Variants in SYT17 observed in about 807,000 individuals in gnomAD.
SYT17 encodes synaptotagmin-17.
Under a neutral mutation model 46.7 loss-of-function variants are expected in SYT17, and 22 were observed. The ratio of observed to expected loss-of-function variants is 0.47; its 90% CI spans 0.34 to 0.67. The LOEUF is 0.67. Ranked by LOEUF, SYT17 falls within the 30% of genes least tolerant of loss-of-function variation. The pLI is 0.01. For synonymous variants in SYT17, 251 were observed against 248.4 expected (o/e 1.01, Z -0.10); for missense variants, 519 against 612.8 (o/e 0.85, Z 1.62).
At chr16:19,236,384 G>A (rs375974768) in intron 7 of SYT17, among the ~76,000 whole-genome samples, 25 of 152,266 alleles carry the variant, frequency 1.6e-4, no homozygotes, top group Middle Eastern at 3.4e-3. Context: ...GGGGAAACTC[G>A]AAGCTTAGGG....
chr16:19,205,468 C>G (rs1257316621), intron 5 of SYT17, among the ~76,000 whole-genome samples: 1 of 150,096 alleles, frequency 6.7e-6, no homozygotes, highest in African/African-American at 2.5e-5. Context: ...GAGACAAGGT[C>G]TCACTCTGTC....
At chr16:19,226,469 G>A (rs1966499527) in intron 7 of SYT17, among the ~76,000 whole-genome samples, 1 of 152,176 alleles carries the variant, frequency 6.6e-6, no homozygotes, top group Non-Finnish European at 1.5e-5. Flanking sequence ...GATTGCAAAT[G>A]TCTATCCTCT....
intron 7 of SYT17, among the ~76,000 whole-genome samples, chr16:19,229,525 T>C (rs1319788513): frequency 1.3e-5 from 2 of 152,216 alleles, no homozygotes; most frequent in Admixed American, 1.3e-4. Flanking sequence ...TCCACTCTTA[T>C]GATCCATCAC....
intron 5 of SYT17, among the ~76,000 whole-genome samples, chr16:19,191,952 T>G (rs933304744): frequency 2.6e-5 from 4 of 152,116 alleles, no homozygotes; most frequent in African/African-American, 9.7e-5. Flanking sequence ...ACCCAGTTAA[T>G]TTTTTGTATT....
intron 7 of SYT17, among the ~76,000 whole-genome samples, chr16:19,234,321 G>C (rs1966809746): frequency 6.6e-6 from 1 of 152,018 alleles, no homozygotes; most frequent in Non-Finnish European, 1.5e-5. Flanking sequence ...ATGAGACCCG[G>C]TCTCAAGAAA....
chr16:19,172,603 C>G (rs1014781094), intron 1 of SYT17, 157 bp from the exon 2 acceptor site: 3 of 1,530,010 alleles, frequency 2.0e-6, no homozygotes, highest in Middle Eastern at 3.4e-4. Context: ...AGTCAGCTCC[C>G]TTCCCAGGAT....
chr16:19,249,236 G>A (rs903652979), intron 7 of SYT17, among the ~76,000 whole-genome samples: 2 of 151,390 alleles, frequency 1.3e-5, no homozygotes, highest in Non-Finnish European at 1.5e-5. Flanking sequence ...ATCATGCCAC[G>A]GCACTCCAGC....
At chr16:19,262,228 T>A (rs1969027452) in intron 7 of SYT17, among the ~76,000 whole-genome samples, 1 of 152,242 alleles carries the variant, frequency 6.6e-6, no homozygotes, top group Non-Finnish European at 1.5e-5. Flanking sequence ...TGTTGAATCC[T>A]AATCCCCATG....
chr16:19,190,338 T>C (rs535098610), intron 5 of SYT17, among the ~76,000 whole-genome samples: 1 of 152,310 alleles, frequency 6.6e-6, no homozygotes, highest in African/African-American at 2.4e-5. Context: ...GCCATTGCAC[T>C]CTGGCCTGGG....
chr16:19,225,362 A>G (rs940414842), intron 7 of SYT17, among the ~76,000 whole-genome samples: 1 of 152,210 alleles, frequency 6.6e-6, no homozygotes, highest in Non-Finnish European at 1.5e-5. Context: ...GTATTTAAGT[A>G]GAGGCTTCAT....
chr16:19,222,985 G>A lies in SYT17; in HGVS notation c.952-60G>A, dbSNP rs1004161504. On this transcript the variant is annotated intron_variant, in intron 5 of 7. Coordinates refer to ENST00000355377, the MANE Select transcript of SYT17 (RefSeq NM_016524.4). ...AGCTGCTGCAATCAATTTCTTGTAT[G>A]GTGGGTGCAAAAGGAATAAAAGGAG... The A allele has an allele frequency of 2.5e-6, 4 of 1,599,362 alleles. No individual in the cohort carries two copies. The African/African-American group carries it at 4.0e-5, about 16-fold the overall frequency.
chr16:19,186,103 G>A (rs1022710843), intron 5 of SYT17, among the ~76,000 whole-genome samples: 2 of 152,168 alleles, frequency 1.3e-5, no homozygotes, highest in African/African-American at 4.8e-5. Flanking sequence ...GACAAGGGCT[G>A]GCTCCTCACC....
At position 19,183,658 on chromosome 16, in the gene SYT17, C is replaced by T. The variant is rs977678206; in HGVS notation, c.462C>T (p.Phe154=). Residue 154 remains phenylalanine, a synonymous_variant, in exon 5 of 8, where the codon TTC becomes TTT. Coordinates refer to ENST00000355377, the MANE Select transcript of SYT17 (RefSeq NM_016524.4). This position sits in a 1 kb window ranked among gnomAD's most constrained non-coding sequence, Gnocchi z 5.6. ...LRRTYNPDDY[F]RKFEPHLYSL... Reference sequence around the variant, plus strand: ...GGACCTATAACCCCGACGACTATTTCAGGAAGTTCGAACCCCACCTGTACT... The same window carrying T: ...GGACCTATAACCCCGACGACTATTTTAGGAAGTTCGAACCCCACCTGTACT... The T allele has an allele frequency of 3.7e-6, 6 of 1,614,094 alleles. No individual in the cohort carries two copies. The highest frequency in any genetic ancestry group is 5.1e-6 in the Non-Finnish European group (6 of 1,180,052).
intron 4 of SYT17, among the ~76,000 whole-genome samples, chr16:19,181,199 G>A (rs1964543605): frequency 6.6e-6 from 1 of 152,136 alleles, no homozygotes; most frequent in Non-Finnish European, 1.5e-5. Context: ...AAATGTATGT[G>A]TGGCCATCAA....
At chr16:19,184,331 T>C (rs535244315) in intron 5 of SYT17, among the ~76,000 whole-genome samples, 184 bp downstream of exon 5, 201 of 152,274 alleles carry the variant, frequency 1.3e-3, no homozygotes, top group African/African-American at 4.8e-3. Context: ...TCCAGCATGA[T>C]AGCATCTTAC....
chr16:19,199,345 C>T (rs190361656), intron 5 of SYT17, among the ~76,000 whole-genome samples: 13 of 152,280 alleles, frequency 8.5e-5, no homozygotes, highest in East Asian at 1.9e-4. Context: ...AAGTTATTCA[C>T]GGAATGGTGG....
At chr16:19,224,930 TA>T (rs1242868856) in intron 7 of SYT17, 92 bp downstream of exon 7, 1 of 1,440,814 alleles carries the variant, frequency 6.9e-7, no homozygotes, top group East Asian at 2.3e-5. Context: ...GAGTTACATT[TA>T]AGAACGTAAT....
At chr16:19,198,726 C>T (rs1965349897) in intron 5 of SYT17, among the ~76,000 whole-genome samples, 1 of 152,232 alleles carries the variant, frequency 6.6e-6, no homozygotes, top group Admixed American at 6.5e-5. Flanking sequence ...ACAACCCCAA[C>T]ATCAAGGGTC....
chr16:19,256,469 C>CACACACACACAT (rs1968575091), intron 7 of SYT17, among the ~76,000 whole-genome samples: 1 of 151,316 alleles, frequency 6.6e-6, no homozygotes, highest in Admixed American at 6.6e-5. Flanking sequence ...CACACACACA[C>CACACACACACAT]ACACACACAC....
Sources: gnomAD v4.1 joint callset for allele counts (sites outside exome capture counted in the v4.1 genomes callset) on GRCh38, gnomAD v4.1.1 for gene constraint, Gnocchi (gnomAD v3.1) non-coding constraint, MANE v1.5 for transcripts, NCBI Gene and HGNC (gene_info 2026-07-23, HGNC 2026-07-21) for gene names.